Variants in MMS22L observed in about 807,000 individuals in gnomAD.
The protein encoded by MMS22L is protein MMS22-like.
Under a neutral mutation model 159.1 loss-of-function variants are expected in MMS22L, and 74 were observed. The ratio of observed to expected loss-of-function variants is 0.47; its 90% CI spans 0.39 to 0.56. The LOEUF (loss-of-function observed/expected upper bound fraction) is 0.56, where lower values mean the gene tolerates loss of function less well. MMS22L is among the 20% of genes least tolerant of loss of function. The probability of loss-of-function intolerance (pLI) is 0.00; values close to 1 mark genes in which losing one functional copy is unlikely to be tolerated. For missense variants in MMS22L, 1,351 were observed against 1,422.1 expected, an observed-to-expected ratio of 0.95 and a Z score of 0.80; for synonymous variants, 517 against 506.9, an observed-to-expected ratio of 1.02 and a Z score of -0.27.
intron 13 of MMS22L, chr6:97,230,383 G>C (rs1190995797): frequency 6.6e-6 from 1 of 151,642 alleles, no homozygotes; most frequent in South Asian, 2.1e-4. Context: ...GGGATTACAG[G>C]TGTGAGCCAC....
chr6:97,208,518 G>A (rs973141068), intron 14 of MMS22L, among the ~76,000 whole-genome samples: 19 of 152,018 alleles, frequency 1.2e-4, no homozygotes, highest in African/African-American at 4.6e-4. Flanking sequence ...GGGCAAACAA[G>A]AAGGACAACA....
At chr6:97,210,012 A>T (rs1308747682) in intron 14 of MMS22L, among the ~76,000 whole-genome samples, 1 of 151,900 alleles carries the variant, frequency 6.6e-6, no homozygotes, top group East Asian at 1.9e-4. Context: ...AATATTCAAT[A>T]TATAATTGAT....
Position 97,186,563 on chromosome 6 carries a change from A to G in MMS22L, c.2167T>C (p.Ser723Pro). 6 of 1,612,714 alleles carry G rather than the reference A, an allele frequency of 3.7e-6. No homozygotes were observed. The highest frequency in any genetic ancestry group is 5.1e-6 in the Non-Finnish European group (6 of 1,179,434). Residue 723 changes from serine to proline, a missense_variant, in exon 15 of 25, where the codon TCA becomes CCA. Physicochemically the swap from Ser to Pro is moderately conservative, Grantham distance 74 (BLOSUM62 -1). Coordinates refer to ENST00000683635, the MANE Select transcript of MMS22L (RefSeq NM_001350599.2). ...GACATTCTCTGACTCTTCAAAAATG[A>G]AAAGAAATGTCTCCACAGTGCACTG... ...VASALWRHFF[S>P]FLKSQRMSQV...
At chr6:97,147,127 T>TAA (rs1477099993) in intron 24 of MMS22L, among the ~76,000 whole-genome samples, 1 of 152,130 alleles carries the variant, frequency 6.6e-6, no homozygotes, top group African/African-American at 2.4e-5. Flanking sequence ...AAATGACATG[T>TAA]AAAAGTTCAT....
intron 14 of MMS22L, among the ~76,000 whole-genome samples, chr6:97,194,058 G>A (rs1364190502): frequency 6.7e-6 from 1 of 150,362 alleles, no homozygotes; most frequent in Non-Finnish European, 1.5e-5. Context: ...ACCGTGCCTG[G>A]CCTCATTTGT....
chr6:97,200,360 A>G (rs1189788768), intron 14 of MMS22L, among the ~76,000 whole-genome samples: 3 of 152,056 alleles, frequency 2.0e-5, no homozygotes, highest in Non-Finnish European at 4.4e-5. Context: ...AGAGGAGGGG[A>G]AAAAGTTTCC....
rs529816368 is a variant in MMS22L at position 97,149,551 on chromosome 6, A to G, written c.3650+302T>C. Among the ~76,000 whole-genome samples the G allele has an allele frequency of 1.8e-4, 27 of 152,298 alleles. No individual in the cohort carries two copies. The South Asian group carries it at 5.2e-3, about 29-fold the overall frequency. The stretch of plus-strand genomic sequence containing the variant: ...CCAAGGCTATGAAGTCCACTTCCCA[A>G]TGAGGAACACTGAAATGCGTTTTGA... On this transcript the variant is annotated intron_variant, in intron 24 of 24. Transcript: ENST00000683635.
intron 14 of MMS22L, among the ~76,000 whole-genome samples, chr6:97,197,903 A>G (rs1806710547): frequency 1.3e-5 from 2 of 151,840 alleles, no homozygotes; most frequent in South Asian, 4.2e-4. Context: ...CCTCCTCCCA[A>G]TCCTCCCCCA....
chr6:97,155,525 C>G (rs1278999200), intron 22 of MMS22L, among the ~76,000 whole-genome samples: 1 of 152,100 alleles, frequency 6.6e-6, no homozygotes, highest in South Asian at 2.1e-4. Context: ...CATGTGTACT[C>G]ATTGTTCAAC....
intron 11 of MMS22L, among the ~76,000 whole-genome samples, chr6:97,236,101 G>A (rs772582823): frequency 7.2e-5 from 11 of 152,094 alleles, no homozygotes; most frequent in Non-Finnish European, 1.2e-4. Flanking sequence ...ACCGAGCTGG[G>A]TGGATCACCT....
chr6:97,160,759 AT>A, intron 22 of MMS22L, among the ~76,000 whole-genome samples: 1 of 151,822 alleles, frequency 6.6e-6, no homozygotes, highest in East Asian at 1.9e-4. Context: ...GGTGTTCCAC[AT>A]TTCTCAACAG....
intron 4 of MMS22L, among the ~76,000 whole-genome samples, chr6:97,273,843 A>G (rs1216210511): frequency 6.6e-6 from 1 of 152,192 alleles, no homozygotes; most frequent in African/African-American, 2.4e-5. Context: ...AGGTCTTTCC[A>G]TGCTCTCTTT....
chr6:97,201,271 T>C (rs1484427062), intron 14 of MMS22L, among the ~76,000 whole-genome samples: 1 of 152,180 alleles, frequency 6.6e-6, no homozygotes, highest in East Asian at 1.9e-4. Context: ...TCAGTGTTTT[T>C]CTTTATAAAG....
At chr6:97,184,233 C>T (rs548954125) in intron 15 of MMS22L, among the ~76,000 whole-genome samples, 2 of 152,156 alleles carry the variant, frequency 1.3e-5, no homozygotes, top group South Asian at 4.2e-4. Flanking sequence ...CTTAACTTAC[C>T]TTCATTCCTC....
At chr6:97,217,238 T>A (rs1028574885) in intron 14 of MMS22L, among the ~76,000 whole-genome samples, 8 of 152,282 alleles carry the variant, frequency 5.3e-5, no homozygotes, top group African/African-American at 1.9e-4. Context: ...TTTTTATTTT[T>A]AATTCATTAT....
intron 14 of MMS22L, among the ~76,000 whole-genome samples, chr6:97,226,351 T>C (rs997389541): frequency 6.6e-6 from 1 of 152,160 alleles, no homozygotes. Context: ...TCCCAGCATT[T>C]TGGGAGGCCG....
At chr6:97,172,500 C>T (rs937331707) in intron 19 of MMS22L, among the ~76,000 whole-genome samples, 14 of 151,792 alleles carry the variant, frequency 9.2e-5, no homozygotes, top group African/African-American at 2.4e-4. Flanking sequence ...CCATGGTTTT[C>T]GTGAAAAAAA....
At chr6:97,230,732 T>A (rs1582712461) in intron 13 of MMS22L, 2 of 152,254 alleles carry the variant, frequency 1.3e-5, no homozygotes, top group South Asian at 4.1e-4. Context: ...GTGATTCTTG[T>A]AGATTTAATA....
chr6:97,155,496 A>G (rs1441436507), intron 22 of MMS22L, among the ~76,000 whole-genome samples: 1 of 151,852 alleles, frequency 6.6e-6, no homozygotes, highest in East Asian at 1.9e-4. Flanking sequence ...CCGGTGTGTG[A>G]TGTTCCCCTC....
Sources: allele counts gnomAD v4.1 joint callset (sites outside exome capture counted in the v4.1 genomes callset), GRCh38; gene constraint gnomAD v4.1.1; transcripts MANE v1.5; gene names NCBI Gene and HGNC (gene_info 2026-07-23, HGNC 2026-07-21).